The following DYNC1I1 variants were observed in gnomAD, a reference collection of about 807,000 sequenced individuals.
DYNC1I1 encodes the protein cytoplasmic dynein 1 intermediate chain 1.
In DYNC1I1, 43 loss-of-function variants were observed where a neutral mutation model predicts 86.6. The ratio of observed to expected loss-of-function variants is 0.50; its 90% confidence interval spans 0.39 to 0.64. The LOEUF (loss-of-function observed/expected upper bound fraction) is 0.64, where lower values mean the gene tolerates loss of function less well. Ranked by LOEUF, DYNC1I1 falls within the 30% of genes least tolerant of loss-of-function variation. The pLI, the probability that DYNC1I1 is intolerant of heterozygous loss-of-function variation, is 0.00. For synonymous variants in DYNC1I1, 262 were observed against 283.7 expected (o/e 0.92, Z 0.77); for missense variants, 604 against 788.8 (o/e 0.77, Z 2.81).
chr7:95,978,149 T>C (rs1447184427), intron 7 of DYNC1I1, among the ~76,000 whole-genome samples: 1 of 152,196 alleles, frequency 6.6e-6, no homozygotes, highest in Non-Finnish European at 1.5e-5. Flanking sequence ...TTCTAAGCAC[T>C]CCACAGATAT....
chr7:96,005,623 T>C (rs1431918241), intron 10 of DYNC1I1, among the ~76,000 whole-genome samples: 2 of 152,104 alleles, frequency 1.3e-5, no homozygotes, highest in Admixed American at 6.5e-5. Flanking sequence ...AAACAACTCC[T>C]GGAAAAGAAC....
intron 14 of DYNC1I1, among the ~76,000 whole-genome samples, chr7:96,063,387 T>C (rs1304569446): frequency 6.6e-6 from 1 of 152,120 alleles, no homozygotes; most frequent in African/African-American, 2.4e-5. Context: ...CCTTCTCTTC[T>C]CATTTGAGAA....
Position 95,864,977 on chromosome 7 carries a change from G to A in DYNC1I1, c.375-4906G>A, listed in dbSNP as rs981577480. 5.3e-5 allele frequency among the ~76,000 whole-genome samples: 8 copies of A among 152,116 alleles called. No homozygotes were observed. In the East Asian group the frequency reaches 1.6e-3, roughly 29 times the overall value. ...CAGAATCACCAGAGTAAGGGGTTGTGGGGAAAGGGGGAAGGTGGACAAGCT... is the reference window on the plus strand; with the variant it reads ...CAGAATCACCAGAGTAAGGGGTTGTAGGGAAAGGGGGAAGGTGGACAAGCT... On this transcript the variant is annotated intron_variant, in intron 5 of 16. Transcript: ENST00000447467.
At chr7:95,973,500 A>G (rs1793227104) in intron 6 of DYNC1I1, among the ~76,000 whole-genome samples, 1 of 151,786 alleles carries the variant, frequency 6.6e-6, no homozygotes, top group Admixed American at 6.6e-5. Context: ...GACTTTGTAC[A>G]TACTATAAAC....
chr7:95,786,550 C>G lies in DYNC1I1; in HGVS notation c.-10+13777C>G, dbSNP rs192030181. ...ACAGTACCCAGAACAGCACTGTGTG[C>G]TTTGTAGGGGCTCAGTAAAAAGACT... is the stretch of plus-strand genomic sequence containing the variant. On this transcript the variant is annotated intron_variant, in intron 1 of 16. Coordinates refer to ENST00000447467, the MANE Select transcript of DYNC1I1 (RefSeq NM_001135556.2). 3.3e-5 allele frequency among the ~76,000 whole-genome samples: 5 copies of G among 152,274 alleles called. No homozygotes were observed. The East Asian group carries it at 9.7e-4, about 29-fold the overall frequency.
intron 1 of DYNC1I1, among the ~76,000 whole-genome samples, chr7:95,796,862 C>T (rs889337080): frequency 2.6e-5 from 4 of 151,870 alleles, no homozygotes; most frequent in African/African-American, 7.3e-5. Flanking sequence ...TTCATAATAA[C>T]ACTAAAATGT....
At chr7:95,870,490 G>A (rs1790134682) in intron 6 of DYNC1I1, among the ~76,000 whole-genome samples, 1 of 152,206 alleles carries the variant, frequency 6.6e-6, no homozygotes, top group Admixed American at 6.5e-5. Flanking sequence ...GAGTAGTTGT[G>A]AAAGAGACCT....
intron 15 of DYNC1I1, among the ~76,000 whole-genome samples, chr7:96,077,085 T>A (rs937471474): frequency 2.0e-5 from 3 of 152,118 alleles, no homozygotes; most frequent in Non-Finnish European, 4.4e-5. Context: ...TAAATAAGAA[T>A]GGACAGGTAA....
intron 14 of DYNC1I1, among the ~76,000 whole-genome samples, chr7:96,040,728 T>TC (rs1789019408): frequency 6.6e-6 from 1 of 151,836 alleles, no homozygotes; most frequent in Admixed American, 6.6e-5. Flanking sequence ...TTTTTTTTTT[T>TC]TTCTTTTTTT....
At chr7:95,839,736 T>G (rs1214888647) in intron 5 of DYNC1I1, among the ~76,000 whole-genome samples, 1 of 152,210 alleles carries the variant, frequency 6.6e-6, no homozygotes, top group Non-Finnish European at 1.5e-5. Flanking sequence ...CTTTAGCATT[T>G]TTTTGTATGT....
At chr7:96,018,295 T>C (rs1794449970) in intron 10 of DYNC1I1, among the ~76,000 whole-genome samples, 1 of 152,342 alleles carries the variant, frequency 6.6e-6, no homozygotes, top group South Asian at 2.1e-4. Flanking sequence ...ATGCAAGTTT[T>C]CACAGTATAT....
intron 16 of DYNC1I1, among the ~76,000 whole-genome samples, chr7:96,107,533 CTT>C (rs201003613): frequency 3.7e-4 from 51 of 138,708 alleles, no homozygotes; most frequent in Non-Finnish European, 3.6e-4. Context: ...GTAATTTCTT[CTT>C]TTTTTTTTTT....
At chr7:95,947,581 C>A (rs1172727564) in intron 6 of DYNC1I1, among the ~76,000 whole-genome samples, 1 of 152,240 alleles carries the variant, frequency 6.6e-6, no homozygotes, top group Middle Eastern at 3.4e-3. Context: ...GACCAGCTCT[C>A]CTCCATGTGT....
At chr7:95,919,337 G>A (rs1791553062) in intron 6 of DYNC1I1, among the ~76,000 whole-genome samples, 1 of 152,162 alleles carries the variant, frequency 6.6e-6, no homozygotes, top group African/African-American at 2.4e-5. Context: ...TGGCTAGCTA[G>A]AAATATGCTA....
chr7:95,900,028 A>G (rs1432644620), intron 6 of DYNC1I1, among the ~76,000 whole-genome samples: 1 of 152,110 alleles, frequency 6.6e-6, no homozygotes, highest in South Asian at 2.1e-4. Flanking sequence ...CATGGGACAC[A>G]TGAGTTTGCC....
At chr7:96,035,275 T>A (rs553609280) in intron 12 of DYNC1I1, among the ~76,000 whole-genome samples, 22 of 152,360 alleles carry the variant, frequency 1.4e-4, no homozygotes, top group African/African-American at 4.8e-4. Context: ...TGAAAATGTT[T>A]GTAAATACAA....
chr7:95,810,475 A>G lies in DYNC1I1; in HGVS notation c.192A>G (p.Gln64=). Residue 64 remains glutamine (Q), a synonymous_variant, in exon 3 of 17, where the codon CAA becomes CAG. Coordinates refer to ENST00000447467, the MANE Select transcript of DYNC1I1 (RefSeq NM_001135556.2). ...GACGAGAGACAGAGGCTTTGCTGCA[A>G]AGCATTGGTATCTCACCGGAGCCGC... ...RKRRETEALL[Q]SIGISPEPPL... The G allele has an allele frequency of 1.2e-6, 2 of 1,612,906 alleles. No homozygotes were observed. The highest frequency in any genetic ancestry group is 1.1e-5 in the South Asian group (1 of 90,956).
At chr7:95,854,069 G>T (rs1199413490) in intron 5 of DYNC1I1, among the ~76,000 whole-genome samples, 1 of 152,026 alleles carries the variant, frequency 6.6e-6, no homozygotes, top group Non-Finnish European at 1.5e-5. Flanking sequence ...TCTCTTGTAG[G>T]CAGCGTATTT....
Position 95,987,081 on chromosome 7 carries a change from T to C in DYNC1I1, c.769T>C (p.Ser257Pro). Residue 257 changes from serine (S) to proline (P), a missense_variant, in exon 9 of 17, where the codon TCT becomes CCT. Transcript: ENST00000447467. ...GGATGTTCAGGCTGGAGCCAATCTT[T>C]CTTTCAATCGTCAGTTCTATGATGA... ...DGDVQAGANLSFNRQFYDEHW... is the reference protein window; with the variant it reads ...DGDVQAGANLPFNRQFYDEHW... 6.2e-7 allele frequency: 1 copy of C among 1,613,950 alleles called. No individual in the cohort carries two copies. The highest frequency in any genetic ancestry group is 8.5e-7 in the Non-Finnish European group (1 of 1,179,882).
Sources: gnomAD v4.1 joint callset for allele counts (sites outside exome capture counted in the v4.1 genomes callset) on GRCh38, gnomAD v4.1.1 for gene constraint, MANE v1.5 for transcripts, NCBI Gene and HGNC (gene_info 2026-07-23, HGNC 2026-07-21) for gene names.